GRIK4: variants seen among roughly 807,000 people sequenced by gnomAD.
The protein encoded by GRIK4 is glutamate ionotropic receptor kainate type subunit 4.
A neutral mutation model predicts 104.9 loss-of-function variants in GRIK4; 40 were observed. That is an observed-to-expected ratio of 0.38 (90% CI 0.30 to 0.50). GRIK4 has a LOEUF of 0.50. Ranked by LOEUF, GRIK4 falls within the 20% of genes least tolerant of loss-of-function variation. GRIK4 has a pLI of 0.93. For synonymous variants in GRIK4, 485 were observed against 524.9 expected (o/e 0.92, Z 1.04); for missense variants, 1,047 against 1,308.1 (o/e 0.80, Z 3.08).
intron 1 of GRIK4, among the ~76,000 whole-genome samples, chr11:120,587,802 C>G (rs1948687052): frequency 6.6e-6 from 1 of 152,202 alleles, no homozygotes; most frequent in African/African-American, 2.4e-5. Context: ...CTGAGTAAGT[C>G]TGTGGGGTGG....
At position 120,982,051 on chromosome 11, in the gene GRIK4, A is replaced by T. The variant is rs561833075; in HGVS notation, c.2396-55A>T. On this transcript the variant is annotated intron_variant, in intron 19 of 20. Coordinates refer to ENST00000527524, the MANE Select transcript of GRIK4 (RefSeq NM_014619.5). ...TGATTTTAGTATTTTTGATAAAATGATTGTGTCTTCCTGATCTTTTACAAT... is the reference window on the plus strand; with the variant it reads ...TGATTTTAGTATTTTTGATAAAATGTTTGTGTCTTCCTGATCTTTTACAAT... 23 of 1,142,520 alleles carry T rather than the reference A, an allele frequency of 2.0e-5. No homozygotes were observed. In the South Asian group the frequency reaches 2.6e-4, roughly 13 times the overall value. 70.8% of individuals were successfully genotyped at this position (1,142,520 alleles called of 1,614,324 possible).
Position 120,697,478 on chromosome 11 carries a change from G to A in GRIK4, c.82+37078G>A, listed in dbSNP as rs116751416. On this transcript the variant is annotated intron_variant, in intron 3 of 20. Transcript: ENST00000527524. ...TCAAATACAAAAATTAGCTGGGTAC[G>A]GTGGCATGCGCCTGTAATCCTAGCT... Among the ~76,000 whole-genome samples the A allele has an allele frequency of 4.2e-3, 638 of 152,246 alleles. 5 individuals carry two copies. The highest frequency in any genetic ancestry group is 0.015 in the African/African-American group (604 of 41,550).
intron 1 of GRIK4, among the ~76,000 whole-genome samples, chr11:120,515,910 C>G (rs557664444): frequency 6.6e-6 from 1 of 152,328 alleles, no homozygotes; most frequent in African/African-American, 2.4e-5. Flanking sequence ...GTCAGTCCAG[C>G]TACCCGGCGA....
chr11:120,591,997 G>T (rs1488566949), intron 1 of GRIK4, among the ~76,000 whole-genome samples: 1 of 152,138 alleles, frequency 6.6e-6, no homozygotes, highest in Non-Finnish European at 1.5e-5. Flanking sequence ...CAAACCACTC[G>T]TGCAGGCTCC....
chr11:120,873,888 A>C (rs895128436), intron 9 of GRIK4, 178 bp from the exon 10 acceptor site: 7 of 571,662 alleles, frequency 1.2e-5, no homozygotes, highest in Admixed American at 6.3e-5. Context: ...TGACTATTAG[A>C]TGAAGTAGAG....
chr11:120,933,142 A>G (rs978003183), intron 13 of GRIK4, among the ~76,000 whole-genome samples: 1 of 152,226 alleles, frequency 6.6e-6, no homozygotes, highest in African/African-American at 2.4e-5. Flanking sequence ...ACAGACGGTC[A>G]CACCAGAGAA....
chr11:120,707,094 G>A (rs781451794), intron 3 of GRIK4, among the ~76,000 whole-genome samples: 94 of 152,314 alleles, frequency 6.2e-4, no homozygotes, highest in Middle Eastern at 3.4e-3. Flanking sequence ...GCTTGAATGA[G>A]CTGCCAGGAC....
chr11:120,675,040 T>C lies in GRIK4; in HGVS notation c.82+14640T>C, dbSNP rs115310250. Among the ~76,000 whole-genome samples, 655 of 152,368 alleles carry C rather than the reference T, an allele frequency of 4.3e-3. 2 individuals are homozygous for C. The highest frequency in any genetic ancestry group is 0.014 in the African/African-American group (581 of 41,582). ...TATGGTTGAATGCCAGTTTCCCCTGTAGAGTCAATTTGGAAAACCTAAAGC... is the reference window on the plus strand; with the variant it reads ...TATGGTTGAATGCCAGTTTCCCCTGCAGAGTCAATTTGGAAAACCTAAAGC... On this transcript the variant is annotated intron_variant, in intron 3 of 20. Coordinates refer to ENST00000527524, the MANE Select transcript of GRIK4 (RefSeq NM_014619.5).
intron 3 of GRIK4, among the ~76,000 whole-genome samples, chr11:120,794,212 A>C (rs12278636): frequency 2.8e-4 from 40 of 142,990 alleles, no homozygotes; most frequent in Admixed American, 5.5e-4. Context: ...TGATGGTTAC[A>C]GGTGAGGGAA....
Position 120,660,303 on chromosome 11 carries a change from T to A in GRIK4, c.-16T>A. On this transcript the variant is annotated 5_prime_UTR_variant, in exon 3 of 21. An upstream start codon of the reference 5' UTR is lost. Transcript: ENST00000527524. ...ATGCCCAGGCCAGCAGGGGGCTCCA[T>A]GAGGATTCATAGAAGATGCCCCGCG... 2 of 1,597,340 alleles carry A rather than the reference T, an allele frequency of 1.3e-6. No individual in the cohort carries two copies. The highest frequency in any genetic ancestry group is 1.7e-6 in the Non-Finnish European group (2 of 1,165,696).
chr11:120,740,254 G>C (rs1190961826), intron 3 of GRIK4, among the ~76,000 whole-genome samples: 3 of 152,218 alleles, frequency 2.0e-5, no homozygotes, highest in Non-Finnish European at 2.9e-5. Context: ...GCATGGGGTT[G>C]TAGTTAGGCT....
intron 1 of GRIK4, among the ~76,000 whole-genome samples, chr11:120,571,945 G>A (rs1257051882): frequency 1.3e-5 from 2 of 152,220 alleles, no homozygotes; most frequent in African/African-American, 4.8e-5. Flanking sequence ...AGTCACCGGA[G>A]GCATCCTGTC....
At chr11:120,519,854 C>T (rs1293619672) in intron 1 of GRIK4, among the ~76,000 whole-genome samples, 1 of 149,644 alleles carries the variant, frequency 6.7e-6, no homozygotes, top group Non-Finnish European at 1.5e-5. Flanking sequence ...CCTCTGGCTA[C>T]CTCACTACTG....
At chr11:120,875,899 C>T (rs1307906716) in intron 11 of GRIK4, among the ~76,000 whole-genome samples, 1 of 152,114 alleles carries the variant, frequency 6.6e-6, no homozygotes, top group African/African-American at 2.4e-5. Context: ...TCTTGAAGAT[C>T]TCCCACCCTC....
Position 120,901,914 on chromosome 11 carries a change from G to A in GRIK4, c.1272+3275G>A, listed in dbSNP as rs1396054253. 7.9e-5 allele frequency among the ~76,000 whole-genome samples: 12 copies of A among 152,332 alleles called. No individual in the cohort carries two copies. The East Asian group carries it at 2.3e-3, about 29-fold the overall frequency. On this transcript the variant is annotated intron_variant, in intron 12 of 20. Transcript: ENST00000527524. Reference sequence around the variant, plus strand: ...TGGGGTGCAGGCCGGACACTGGTGTGTGAGGTGACATTTAACAACATGGTA... The same window carrying A: ...TGGGGTGCAGGCCGGACACTGGTGTATGAGGTGACATTTAACAACATGGTA...
chr11:120,906,468 T>A lies in GRIK4; in HGVS notation c.1476+975T>A, dbSNP rs180734513. Reference sequence around the variant, plus strand: ...TTTTAGCTGGTTGTTAGTCCCACTTTACAAATGAGCAATCGAGCCCAGAAA... The same window carrying A: ...TTTTAGCTGGTTGTTAGTCCCACTTAACAAATGAGCAATCGAGCCCAGAAA... On this transcript the variant is annotated intron_variant, in intron 13 of 20. Coordinates refer to ENST00000527524, the MANE Select transcript of GRIK4 (RefSeq NM_014619.5). Among the ~76,000 whole-genome samples, 68 of 152,326 alleles carry A rather than the reference T, an allele frequency of 4.5e-4. 1 individual carries two copies. Among genetic ancestry groups the A allele is most frequent in the African/African-American group, 1.4e-3 (60 of 41,578 alleles).
At chr11:120,536,775 A>G (rs1351553028) in intron 1 of GRIK4, among the ~76,000 whole-genome samples, 1 of 152,220 alleles carries the variant, frequency 6.6e-6, no homozygotes, top group Non-Finnish European at 1.5e-5. Context: ...ATGGACCCAC[A>G]CCAACAAGAT....
intron 1 of GRIK4, among the ~76,000 whole-genome samples, chr11:120,634,232 G>A (rs893801829): frequency 6.6e-5 from 10 of 152,110 alleles, no homozygotes; most frequent in African/African-American, 1.9e-4. Context: ...GTTTCCTGAC[G>A]CACTCTCTCT....
chr11:120,708,723 G>A (rs1016404303), intron 3 of GRIK4, among the ~76,000 whole-genome samples: 2 of 152,172 alleles, frequency 1.3e-5, no homozygotes, highest in Non-Finnish European at 2.9e-5. Flanking sequence ...CGCAGTTGCC[G>A]AGACCTGCTG....
Sources: gnomAD v4.1 joint callset for allele counts (sites outside exome capture counted in the v4.1 genomes callset) on GRCh38, gnomAD v4.1.1 for gene constraint, MANE v1.5 for transcripts, NCBI Gene and HGNC (gene_info 2026-07-23, HGNC 2026-07-21) for gene names.